Variants in NPEPPS observed in about 807,000 individuals in gnomAD.
The protein encoded by NPEPPS is puromycin-sensitive aminopeptidase.
In NPEPPS, 14 loss-of-function variants were observed where a neutral mutation model predicts 115.5. The observed-to-expected ratio is 0.12, with a 90% confidence interval of 0.08 to 0.19. The LOEUF is 0.19. Among genes scored for constraint, NPEPPS ranks in the 10% least tolerant of loss-of-function variants. NPEPPS has a pLI of 1.00. For synonymous variants in NPEPPS, 285 were observed against 390.6 expected (o/e 0.73, Z 3.19); for missense variants, 523 against 1,110.8 (o/e 0.47, Z 7.52).
intron 1 of NPEPPS, among the ~76,000 whole-genome samples, chr17:47,538,000 TCTC>T (rs1333993345): frequency 2.6e-5 from 4 of 151,234 alleles, no homozygotes; most frequent in Admixed American, 6.6e-5. Context: ...TTCAGGCAGT[TCTC>T]CTGCTTCAGC....
intron 2 of NPEPPS, among the ~76,000 whole-genome samples, chr17:47,565,713 G>T (rs1910767671): frequency 6.6e-6 from 1 of 151,788 alleles, no homozygotes; most frequent in Non-Finnish European, 1.5e-5. Context: ...CCAGCTATTT[G>T]GGAGGCTGAG....
At chr17:47,594,069 C>T (rs1051070046) in intron 12 of NPEPPS, among the ~76,000 whole-genome samples, 8 of 152,104 alleles carry the variant, frequency 5.3e-5, no homozygotes, top group African/African-American at 1.9e-4. Context: ...GTAGGAGGAT[C>T]ACTTGAGCCT....
intron 17 of NPEPPS, among the ~76,000 whole-genome samples, chr17:47,607,738 AG>A (rs1913600518): frequency 6.6e-6 from 1 of 152,240 alleles, no homozygotes; most frequent in Non-Finnish European, 1.5e-5. Flanking sequence ...TATTTGGTGA[AG>A]GATGGACTGT....
At chr17:47,578,377 A>C (rs1255243676) in intron 3 of NPEPPS, among the ~76,000 whole-genome samples, 1 of 152,062 alleles carries the variant, frequency 6.6e-6, no homozygotes. Flanking sequence ...CATGCTTTAA[A>C]TCTTGATATA....
intron 1 of NPEPPS, among the ~76,000 whole-genome samples, chr17:47,538,190 G>GC (rs1908456810): frequency 8.7e-6 from 1 of 114,496 alleles, no homozygotes; most frequent in Non-Finnish European, 1.8e-5. Flanking sequence ...ACCGCGCCTA[G>GC]CCATATCTGT....
At chr17:47,610,347 A>C (rs10163518) in intron 17 of NPEPPS, among the ~76,000 whole-genome samples, 1 of 151,936 alleles carries the variant, frequency 6.6e-6, no homozygotes, top group Admixed American at 6.6e-5. Flanking sequence ...TATTTTCAAG[A>C]TTCATCTATG....
chr17:47,618,767 TC>T (rs1914363200), intron 20 of NPEPPS, among the ~76,000 whole-genome samples: 1 of 152,230 alleles, frequency 6.6e-6, no homozygotes, highest in East Asian at 1.9e-4. Flanking sequence ...ACCTATAGGC[TC>T]CTAAGCAAGT....
chr17:47,594,743 C>T (rs1478925915), intron 12 of NPEPPS, among the ~76,000 whole-genome samples: 1 of 151,814 alleles, frequency 6.6e-6, no homozygotes, highest in Non-Finnish European at 1.5e-5. Context: ...GGCCATTCTC[C>T]TGCCTCAGCC....
intron 13 of NPEPPS, 151 bp from the exon 14 acceptor site, chr17:47,599,525 C>T: frequency 1.6e-6 from 1 of 625,124 alleles, no homozygotes; most frequent in South Asian, 2.1e-5. Flanking sequence ...TTACCGTCTT[C>T]ATCACAATTG....
intron 13 of NPEPPS, among the ~76,000 whole-genome samples, chr17:47,596,951 G>C (rs557730360): frequency 7.4e-4 from 113 of 152,168 alleles, no homozygotes; most frequent in Non-Finnish European, 1.0e-3. Context: ...TGGAGACTTA[G>C]GCAGGAGAAT....
chr17:47,568,315 C>T (rs1370056987), intron 2 of NPEPPS, among the ~76,000 whole-genome samples: 2 of 152,106 alleles, frequency 1.3e-5, no homozygotes, highest in South Asian at 2.1e-4. Flanking sequence ...GGATTAGAGG[C>T]GTTTGCCACC....
rs954142000 is a variant in NPEPPS, at chr17:47,623,131, CAG to C, written c.*1213_*1214del. The C allele has an allele frequency of 1.2e-5, 3 of 252,536 alleles. No homozygotes were observed. The highest frequency in any genetic ancestry group is 2.3e-5 in the Non-Finnish European group (3 of 128,890). The allele number at this position is 252,536 out of a possible 1,614,324, so 15.6% of individuals were successfully genotyped here. A position where few individuals can be genotyped will look rare whatever the true frequency, so the allele number is the denominator to read the frequency against. On this transcript the variant is annotated 3_prime_UTR_variant, in exon 23 of 23. Transcript: ENST00000322157. Reference sequence around the variant, plus strand: ...TTAAAAAAATATTTTGTGTTATTAACAGAAATTCATATTTGGTGTGGCTTAAC... The same window carrying C: ...TTAAAAAAATATTTTGTGTTATTAACAAATTCATATTTGGTGTGGCTTAAC...
At chr17:47,572,814 C>T (rs1229973113) in intron 3 of NPEPPS, among the ~76,000 whole-genome samples, 6 of 152,208 alleles carry the variant, frequency 3.9e-5, no homozygotes, top group Non-Finnish European at 1.5e-5. Flanking sequence ...CTTGCTCTGT[C>T]ACCCAGACTG....
In NPEPPS at chr17:47,586,385, C is replaced by T; in HGVS notation, c.967C>T (p.Leu323Phe). Residue 323 changes from leucine (L) to phenylalanine (F), a missense_variant, in exon 8 of 23, where the codon CTT becomes TTT. This residue lies in a region of NPEPPS where 144 missense variants were observed against 512.4 expected (regional missense o/e 0.28). Transcript: ENST00000322157. ...TGAAGGTGCCATGGAGAACTGGGGC[C>T]TTGTTACTTATAGGTATGTTAATGA... is the stretch of plus-strand genomic sequence containing the variant. ...FAAGAMENWG[L>F]VTYRETALLI... 1.3e-6 allele frequency: 2 copies of T among 1,533,690 alleles called. No homozygotes were observed. Among genetic ancestry groups the T allele is most frequent in the Non-Finnish European group, 8.8e-7 (1 of 1,137,800 alleles).
intron 6 of NPEPPS, 43 bp downstream of exon 6, chr17:47,585,743 C>T: frequency 7.1e-7 from 1 of 1,408,698 alleles, no homozygotes. Context: ...TCCATAACTC[C>T]AGGTTGGGGA....
intron 2 of NPEPPS, among the ~76,000 whole-genome samples, chr17:47,552,542 T>A (rs1909724471): frequency 6.6e-6 from 1 of 152,216 alleles, no homozygotes; most frequent in African/African-American, 2.4e-5. Flanking sequence ...ATAAAGAACC[T>A]GTGTAGGTTT....
rs745673702 is a variant in NPEPPS, at chr17:47,601,669, G to A, written c.1662G>A (p.Gln554=). The A allele has an allele frequency of 6.2e-7, 1 of 1,611,982 alleles. No individual in the cohort carries two copies. Among genetic ancestry groups the A allele is most frequent in the Non-Finnish European group, 8.5e-7 (1 of 1,179,344 alleles). Residue 554 remains glutamine, a synonymous_variant, in exon 15 of 23, where the codon CAG becomes CAA. Transcript: ENST00000322157. ...TCTCTACTAGTGAAGACCCCAACCA[G>A]GCCAAACTAAAAATTCTAATGGACA... ...ITISTSEDPN[Q]AKLKILMDKP...
chr17:47,605,656 A>G (rs557774101), intron 17 of NPEPPS, 104 bp downstream of exon 17: 30 of 751,118 alleles, frequency 4.0e-5, no homozygotes, highest in Non-Finnish European at 5.4e-5. Context: ...GGATGTTACT[A>G]TATATTCAGC....
intron 9 of NPEPPS, among the ~76,000 whole-genome samples, chr17:47,588,127 A>G (rs1438453283): frequency 6.6e-6 from 1 of 152,214 alleles, no homozygotes. Flanking sequence ...TTGAGTCCAT[A>G]CGTCATATAA....
Sources: allele counts gnomAD v4.1 joint callset (sites outside exome capture counted in the v4.1 genomes callset), GRCh38; gene constraint gnomAD v4.1.1; regional missense constraint gnomAD v4.1.1; transcripts MANE v1.5; gene names NCBI Gene and HGNC (gene_info 2026-07-23, HGNC 2026-07-21).